The following PCDHGB5 variants were observed in gnomAD, a reference collection of about 807,000 sequenced individuals.
The protein encoded by PCDHGB5 is protocadherin gamma subfamily B, 5.
In PCDHGB5, 48 loss-of-function variants were observed where a neutral mutation model predicts 62.9. That is an observed-to-expected ratio of 0.76 (90% CI 0.61 to 0.97). The LOEUF (loss-of-function observed/expected upper bound fraction) is 0.97, where lower values mean the gene tolerates loss of function less well. PCDHGB5 is among the 50% of genes least tolerant of loss of function. The probability of loss-of-function intolerance (pLI) is 0.00; values close to 1 mark genes in which losing one functional copy is unlikely to be tolerated. For synonymous variants in PCDHGB5, 474 were observed against 511.2 expected, an observed-to-expected ratio of 0.93 and a Z score of 0.98; for missense variants, 1,118 against 1,198.6, an observed-to-expected ratio of 0.93 and a Z score of 0.99.
intron 1 of PCDHGB5, chr5:141,418,561 T>C: frequency 1.2e-6 from 2 of 1,614,006 alleles, no homozygotes; most frequent in Non-Finnish European, 1.7e-6. Context: ...TGGTAATAGA[T>C]GCCAATGACA....
chr5:141,482,514 G>A (rs2099563611), intron 1 of PCDHGB5, among the ~76,000 whole-genome samples: 1 of 130,122 alleles, frequency 7.7e-6, no homozygotes. Flanking sequence ...CCAGAGTACA[G>A]TATGAGACAG....
chr5:141,492,553 G>C (rs1184580300), intron 1 of PCDHGB5, among the ~76,000 whole-genome samples: 1 of 152,148 alleles, frequency 6.6e-6, no homozygotes, highest in Non-Finnish European at 1.5e-5. Flanking sequence ...CGGGTCGCCT[G>C]GGGGGCGGCC....
Position 141,483,506 on chromosome 5 carries a change from T to A in PCDHGB5, c.2398-11301T>A, listed in dbSNP as rs964063329. ...AGGGACAGGGATGAGTCAAGGCTGA[T>A]CCCCCTAGATCCTGACTAAGGAAGC... On this transcript the variant is annotated intron_variant, in intron 1 of 3. Coordinates refer to ENST00000617380, the MANE Select transcript of PCDHGB5 (RefSeq NM_018925.3). Among the ~76,000 whole-genome samples the A allele has an allele frequency of 2.7e-5, 4 of 148,396 alleles. No individual in the cohort carries two copies. In the South Asian group the frequency reaches 8.5e-4, roughly 32 times the overall value.
chr5:141,410,345 C>T, intron 1 of PCDHGB5: 1 of 1,614,040 alleles, frequency 6.2e-7, no homozygotes, highest in Non-Finnish European at 8.5e-7. Flanking sequence ...TGCCTTGCGC[C>T]TGCGACGCTC....
At chr5:141,423,256 G>A (rs751894091) in intron 1 of PCDHGB5, 3 of 1,613,816 alleles carry the variant, frequency 1.9e-6, no homozygotes, top group South Asian at 2.2e-5. Context: ...GGCGGACCTC[G>A]GCAGCCTCGA....
Position 141,405,365 on chromosome 5 carries a change from C to T in PCDHGB5, c.2397+4841C>T, listed in dbSNP as rs773382376. 2.5e-6 allele frequency: 4 copies of T among 1,613,614 alleles called. No homozygotes were observed. The Admixed American group carries it at 5.0e-5, about 20-fold the overall frequency. On this transcript the variant is annotated intron_variant, in intron 1 of 3. Transcript: ENST00000617380. ...TTCCAAGTTTCCTATAGAAGACACC[C>T]CTTTGGTTCCGGTGAGTTCATTTTT...
At chr5:141,422,862 C>T in intron 1 of PCDHGB5, 1 of 1,614,270 alleles carries the variant, frequency 6.2e-7, no homozygotes, top group Non-Finnish European at 8.5e-7. Flanking sequence ...CCCTCAGCAG[C>T]AACGTGTCGC....
intron 1 of PCDHGB5, chr5:141,414,590 G>A: frequency 6.2e-7 from 1 of 1,613,936 alleles, no homozygotes; most frequent in Non-Finnish European, 8.5e-7. Flanking sequence ...AACGCCAGGG[G>A]TGCCTCCATC....
intron 1 of PCDHGB5, chr5:141,419,971 C>T (rs1254783575): frequency 1.2e-6 from 2 of 1,613,942 alleles, no homozygotes; most frequent in African/African-American, 2.7e-5. Context: ...TGCTCTTTCT[C>T]CTCGCGGTGA....
chr5:141,404,875 C>T, intron 1 of PCDHGB5: 1 of 1,613,904 alleles, frequency 6.2e-7, no homozygotes, highest in Non-Finnish European at 8.5e-7. Flanking sequence ...TCAAACAGAG[C>T]CTTGTGGTGG....
At chr5:141,418,641 T>C in intron 1 of PCDHGB5, 3 of 1,614,028 alleles carry the variant, frequency 1.9e-6, no homozygotes, top group Non-Finnish European at 2.5e-6. Flanking sequence ...GGCACCTCCA[T>C]CCTGAGAGTG....
At chr5:141,409,904 G>A in intron 1 of PCDHGB5, 3 of 1,613,278 alleles carry the variant, frequency 1.9e-6, no homozygotes, top group Non-Finnish European at 2.5e-6. Flanking sequence ...CCCAGCTCTG[G>A]GTCCTGACGG....
rs767291767 is a variant in PCDHGB5, at chr5:141,487,668, T to C, written c.2398-7139T>C. ...CTTGAGGGTTATTCTGATCCAGGCA[T>C]ATGGCTAGGCCATGTCCTAGAGAGT... is the stretch of plus-strand genomic sequence containing the variant. On this transcript the variant is annotated intron_variant, in intron 1 of 3. Transcript: ENST00000617380. The surrounding 1 kb of genome is among the most constrained non-coding windows in gnomAD (Gnocchi z 5.0). 1.9e-6 allele frequency: 3 copies of C among 1,612,658 alleles called. No homozygotes were observed. Among genetic ancestry groups the C allele is most frequent in the South Asian group, 1.1e-5 (1 of 90,650 alleles).
intron 2 of PCDHGB5, among the ~76,000 whole-genome samples, chr5:141,501,279 A>T (rs1180397181): frequency 3.0e-5 from 4 of 135,444 alleles, no homozygotes. Context: ...AGTCTATGGG[A>T]TATTCCCTTA....
intron 1 of PCDHGB5, among the ~76,000 whole-genome samples, chr5:141,402,305 A>AT (rs2150927260): frequency 6.6e-6 from 1 of 152,140 alleles, no homozygotes; most frequent in South Asian, 2.1e-4. Flanking sequence ...GTATTAATAC[A>AT]ATTATATATT....
intron 1 of PCDHGB5, chr5:141,408,518 T>G: frequency 6.2e-7 from 1 of 1,614,012 alleles, no homozygotes; most frequent in Non-Finnish European, 8.5e-7. Flanking sequence ...TGAGTTGCAA[T>G]TGGAAGCTGT....
At chr5:141,422,984 G>T in intron 1 of PCDHGB5, 2 of 1,614,230 alleles carry the variant, frequency 1.2e-6, no homozygotes, top group Non-Finnish European at 1.7e-6. Flanking sequence ...GCGGAACCTG[G>T]CTACCTGGTG....
At chr5:141,496,760 G>A (rs144857340) in intron 2 of PCDHGB5, among the ~76,000 whole-genome samples, 4 of 152,108 alleles carry the variant, frequency 2.6e-5, no homozygotes, top group East Asian at 1.9e-4. Context: ...AATATTTATC[G>A]AGCATCTACT....
intron 1 of PCDHGB5, among the ~76,000 whole-genome samples, chr5:141,480,115 G>A (rs1164458958): frequency 6.6e-6 from 1 of 152,110 alleles, no homozygotes; most frequent in African/African-American, 2.4e-5. Flanking sequence ...CATGGTGCCT[G>A]GCATATCATA....
Sources: allele counts gnomAD v4.1 joint callset (sites outside exome capture counted in the v4.1 genomes callset), GRCh38; gene constraint gnomAD v4.1.1; non-coding constraint Gnocchi (gnomAD v3.1); transcripts MANE v1.5; gene names NCBI Gene and HGNC (gene_info 2026-07-23, HGNC 2026-07-21).